Variants in NCF4 observed in about 807,000 individuals in gnomAD.
NCF4 encodes the protein neutrophil cytosolic factor 4, also known as neutrophil cytosol factor 4.
NCF4 carries 30 observed loss-of-function variants against 41.7 expected under a neutral mutation model. The ratio of observed to expected loss-of-function variants is 0.72; its 90% CI spans 0.54 to 0.97. The LOEUF (loss-of-function observed/expected upper bound fraction) is 0.97, where lower values mean the gene tolerates loss of function less well. Among genes scored for constraint, NCF4 ranks in the 50% least tolerant of loss-of-function variants. The probability of loss-of-function intolerance (pLI) is 0.00; values close to 1 mark genes in which losing one functional copy is unlikely to be tolerated. For synonymous variants in NCF4, 195 were observed against 175.8 expected (o/e 1.11, Z -0.87); for missense variants, 432 against 460.9 (o/e 0.94, Z 0.57).
chr22:36,868,715 T>C (rs1039307340), intron 4 of NCF4, among the ~76,000 whole-genome samples: 56 of 152,112 alleles, frequency 3.7e-4, no homozygotes, highest in African/African-American at 1.3e-3. Flanking sequence ...GCTGGGGAAC[T>C]GGGGCTCCTC....
rs147270466 is a variant in NCF4, at chr22:36,865,619, C to A, written c.271+547C>A. Among the ~76,000 whole-genome samples, 1 of 152,162 alleles carries A rather than the reference C, an allele frequency of 6.6e-6. No individual in the cohort carries two copies. The highest frequency in any genetic ancestry group is 1.5e-5 in the Non-Finnish European group (1 of 68,034). The stretch of plus-strand genomic sequence containing the variant: ...TCCTTCCTCCCCAGCTGGATCCTAA[C>A]GCGCACCTTGGACAGCGCCAAGCCC... On this transcript the variant is annotated intron_variant, in intron 3 of 9. Transcript: ENST00000248899. This position sits in a 1 kb window ranked among gnomAD's most constrained non-coding sequence, Gnocchi z 4.3.
chr22:36,861,031 C>A lies in NCF4; in HGVS notation c.-141C>A. On this transcript the variant is annotated 5_prime_UTR_variant, in exon 1 of 10. Transcript: ENST00000248899. ...AGACTGGAGAGAAGCAGGCCTGAGC[C>A]TCCCCAAAGGCAGCTCCTGGGGACT... 1 of 1,130,852 alleles carries A rather than the reference C, an allele frequency of 8.8e-7. No homozygotes were observed. The highest frequency in any genetic ancestry group is 1.3e-6 in the Non-Finnish European group (1 of 765,122). 70.1% of individuals were successfully genotyped at this position (1,130,852 alleles called of 1,614,324 possible).
Position 36,867,576 on chromosome 22 carries a change from G to A in NCF4, c.342+114G>A, listed in dbSNP as rs35583148. Reference sequence around the variant, plus strand: ...GAACTGGGGCTGGCTCTCTGGCTCTGATGGCCCCATCTTCAATCCCTAAAG... The same window carrying A: ...GAACTGGGGCTGGCTCTCTGGCTCTAATGGCCCCATCTTCAATCCCTAAAG... On this transcript the variant is annotated intron_variant, in intron 4 of 9. Transcript: ENST00000248899. 90,601 of 1,126,758 alleles carry A rather than the reference G, an allele frequency of 0.08. 4,100 individuals are homozygous for A. The highest frequency in any genetic ancestry group is 0.15 in the Middle Eastern group (766 of 5,102). 69.8% of individuals were successfully genotyped at this position (1,126,758 alleles called of 1,614,324 possible).
At chr22:36,868,110 C>T (rs541599080) in intron 4 of NCF4, among the ~76,000 whole-genome samples, 1 of 152,332 alleles carries the variant, frequency 6.6e-6, no homozygotes, top group South Asian at 2.1e-4. Flanking sequence ...AGGACTTCCA[C>T]CAGCCACAGC....
In NCF4 at chr22:36,877,890, G is replaced by T. The variant is rs1449327566; in HGVS notation, c.*67G>T. The stretch of plus-strand genomic sequence containing the variant: ...ACCTTCAGCTCTCAGAGGAGATTGG[G>T]ACCAGGAAAACCTGGGAGGATGGGC... On this transcript the variant is annotated 3_prime_UTR_variant, in exon 10 of 10. Transcript: ENST00000248899. The T allele has an allele frequency of 1.3e-6, 2 of 1,502,622 alleles. No individual in the cohort carries two copies. The highest frequency in any genetic ancestry group is 1.4e-5 in the African/African-American group (1 of 71,782). The allele number at this position is 1,502,622 out of a possible 1,614,324, so 93.1% of individuals were successfully genotyped here. A position where few individuals can be genotyped will look rare whatever the true frequency, so the allele number is the denominator to read the frequency against.
rs182908557 is a variant in NCF4, at chr22:36,869,519, A to C, written c.343-896A>C. ...GCTCTGCATCCCCAGTTCCTCTCGG[A>C]CAAAGTTCCCCGACCCCACCTCATC... On this transcript the variant is annotated intron_variant, in intron 4 of 9. Transcript: ENST00000248899. 5.3e-5 allele frequency among the ~76,000 whole-genome samples: 8 copies of C among 152,198 alleles called. 1 individual carries two copies. In the East Asian group the frequency reaches 1.2e-3, roughly 22 times the overall value.
Position 36,875,690 on chromosome 22 carries a change from C to T in NCF4, c.665C>T (p.Ser222Phe), listed in dbSNP as rs754272966. 2.5e-6 allele frequency: 4 copies of T among 1,613,174 alleles called. No homozygotes were observed. The highest frequency in any genetic ancestry group is 3.4e-6 in the Non-Finnish European group (4 of 1,180,038). The change falls in exon 8 of 10, where the codon TCC becomes TTC. Residue 222 changes from serine to phenylalanine, a missense_variant. Transcript: ENST00000248899. ...VRGATGIFPL[S>F]FVKILKDFPE... ...GGAGCCACGGGCATCTTCCCTCTCT[C>T]CTTCGTGAAGATCCTCAAAGACTTC...
At position 36,861,100 on chromosome 22, in the gene NCF4, A is replaced by C. The variant is rs1601543510; in HGVS notation, c.-72A>C. ...GACGAGACGCAGGGTGGCTGGAGGA[A>C]GTGAGAGGTGAACTCAGCCTGGGAC... On this transcript the variant is annotated 5_prime_UTR_variant, in exon 1 of 10. Coordinates refer to ENST00000248899, the MANE Select transcript of NCF4 (RefSeq NM_000631.5). 1 of 1,536,436 alleles carries C rather than the reference A, an allele frequency of 6.5e-7. No individual in the cohort carries two copies. The highest frequency in any genetic ancestry group is 2.4e-5 in the East Asian group (1 of 40,842).
intron 9 of NCF4, among the ~76,000 whole-genome samples, chr22:36,877,070 T>G (rs16997451): frequency 0.029 from 4,435 of 151,958 alleles, 202 homozygotes; most frequent in African/African-American, 0.1. Context: ...CAACTCTTAA[T>G]CCTTTAGCAC....
In NCF4 at chr22:36,861,734, T is replaced by A. The variant is rs181817524; in HGVS notation, c.32+531T>A. ...ATAATATTATATGCTCATTTATTAT[T>A]TTTTCTTGAACGTTGGCTCCCCCAT... On this transcript the variant is annotated intron_variant, in intron 1 of 9. Coordinates refer to ENST00000248899, the MANE Select transcript of NCF4 (RefSeq NM_000631.5). Among the ~76,000 whole-genome samples, 170 of 152,342 alleles carry A rather than the reference T, an allele frequency of 1.1e-3. 1 individual carries two copies. Among genetic ancestry groups the A allele is most frequent in the Admixed American group, 4.6e-3 (71 of 15,306 alleles).
chr22:36,878,014 G>T lies in NCF4; in HGVS notation c.*191G>T, dbSNP rs1940231783. On this transcript the variant is annotated 3_prime_UTR_variant, in exon 10 of 10. Transcript: ENST00000248899. ...TAAATAAACCATTCCATCTGAAAGG[G>T]GCAGGCTGCGGGAAAGAGTGTCTTT... is the stretch of plus-strand genomic sequence containing the variant. 1 of 625,656 alleles carries T rather than the reference G, an allele frequency of 1.6e-6. No homozygotes were observed. Among genetic ancestry groups the T allele is most frequent in the Non-Finnish European group, 2.8e-6 (1 of 362,228 alleles). The allele number at this position is 625,656 out of a possible 1,614,324, so 38.8% of individuals were successfully genotyped here.
At chr22:36,873,429 G>C (rs923870863) in intron 7 of NCF4, among the ~76,000 whole-genome samples, 2 of 151,286 alleles carry the variant, frequency 1.3e-5, no homozygotes, top group Non-Finnish European at 2.9e-5. Flanking sequence ...TGAGGCTGGA[G>C]GTGAGGTTGC....
chr22:36,876,457 C>T lies in NCF4; in HGVS notation c.824+363C>T, dbSNP rs1940196237. Among the ~76,000 whole-genome samples the T allele has an allele frequency of 2.6e-5, 4 of 152,172 alleles. No individual in the cohort carries two copies. The South Asian group carries it at 8.3e-4, about 31-fold the overall frequency. On this transcript the variant is annotated intron_variant, in intron 9 of 9. Coordinates refer to ENST00000248899, the MANE Select transcript of NCF4 (RefSeq NM_000631.5). ...CAGTTATTTTACAGAATGGTAACCGCATTGCTACATTTCTGACTATAAAAC... is the reference window on the plus strand; with the variant it reads ...CAGTTATTTTACAGAATGGTAACCGTATTGCTACATTTCTGACTATAAAAC...
Sources: gnomAD v4.1 joint callset for allele counts (sites outside exome capture counted in the v4.1 genomes callset) on GRCh38, gnomAD v4.1.1 for gene constraint, Gnocchi (gnomAD v3.1) non-coding constraint, MANE v1.5 for transcripts, NCBI Gene and HGNC (gene_info 2026-07-23, HGNC 2026-07-21) for gene names.